Variants in DPP6 observed in about 807,000 individuals in gnomAD.
The protein encoded by DPP6 is dipeptidyl peptidase like 6.
A neutral mutation model predicts 122.6 loss-of-function variants in DPP6; 69 were observed. The ratio of observed to expected loss-of-function variants is 0.56; its 90% CI spans 0.46 to 0.69. The LOEUF (loss-of-function observed/expected upper bound fraction) is 0.69, where lower values mean the gene tolerates loss of function less well. DPP6 is among the 30% of genes least tolerant of loss of function. The pLI, the probability that DPP6 is intolerant of heterozygous loss-of-function variation, is 0.00. For synonymous variants in DPP6, 418 were observed against 433.1 expected (o/e 0.97, Z 0.43); for missense variants, 928 against 1,116.9 (o/e 0.83, Z 2.41).
At chr7:154,881,386 C>A (rs1009056324) in intron 21 of DPP6, among the ~76,000 whole-genome samples, 5 of 152,212 alleles carry the variant, frequency 3.3e-5, no homozygotes, top group African/African-American at 1.2e-4. Context: ...CAGAGCCGCT[C>A]CCATCTGGTG....
rs374409842 is a variant in DPP6, at chr7:154,022,508, G to A, written c.51+134774G>A. On this transcript the variant is annotated intron_variant, in intron 1 of 25. Transcript: ENST00000404039. ...CCGGGAAAAACATCCTAGTGATAAA[G>A]GTAGAAGAAAAGAGTTTTAGGCAAT... 1.3e-3 allele frequency among the ~76,000 whole-genome samples: 200 copies of A among 152,320 alleles called. 2 individuals carry two copies. The highest frequency in any genetic ancestry group is 5.0e-3 in the South Asian group (24 of 4,820).
chr7:154,765,977 A>G (rs1795871820), intron 8 of DPP6, among the ~76,000 whole-genome samples: 1 of 152,210 alleles, frequency 6.6e-6, no homozygotes, highest in South Asian at 2.1e-4. Flanking sequence ...ATGTTTGCAG[A>G]ATAGGGACAT....
intron 1 of DPP6, among the ~76,000 whole-genome samples, chr7:154,355,709 G>T (rs560891877): frequency 5.8e-4 from 89 of 152,144 alleles, no homozygotes; most frequent in African/African-American, 2.0e-3. Context: ...CTGTTCCCCT[G>T]GTTTGTTTAC....
chr7:153,843,604 G>A, the DPP6 span, among the ~76,000 whole-genome samples: 3 of 152,174 alleles, frequency 2.0e-5, no homozygotes, highest in Non-Finnish European at 4.4e-5. Flanking sequence ...GTAGGTTAGT[G>A]AGGGATTTAG....
intron 1 of DPP6, among the ~76,000 whole-genome samples, chr7:154,113,412 T>TATATATATATATATATACAC (rs1472172445): frequency 4.0e-4 from 57 of 141,480 alleles, no homozygotes; most frequent in African/African-American, 1.4e-3. Context: ...TATATATATA[T>TATATATATATATATATACAC]ACACACACAC....
At chr7:154,782,254 TC>T (rs1214662266) in intron 10 of DPP6, among the ~76,000 whole-genome samples, 1 of 152,236 alleles carries the variant, frequency 6.6e-6, no homozygotes, top group East Asian at 1.9e-4. Context: ...TAGCATTTCT[TC>T]CAGCTATCTT....
chr7:154,591,359 G>GGTGAGGATGAGC (rs1174933600), intron 5 of DPP6, among the ~76,000 whole-genome samples: 8 of 152,204 alleles, frequency 5.3e-5, no homozygotes, highest in African/African-American at 1.9e-4. Context: ...TGGTGAGGAT[G>GGTGAGGATGAGC]AGAGTTGTGA....
At chr7:154,639,529 G>C (rs890166570) in intron 6 of DPP6, among the ~76,000 whole-genome samples, 1 of 152,172 alleles carries the variant, frequency 6.6e-6, no homozygotes, top group Admixed American at 6.5e-5. Flanking sequence ...TGTAAAACTC[G>C]AAACTCTAAA....
rs567845634 is a variant in DPP6 at position 154,871,418 on chromosome 7, C to T, written c.1814-1206C>T. Among the ~76,000 whole-genome samples the T allele has an allele frequency of 3.5e-4, 54 of 152,310 alleles. 1 individual carries two copies. The South Asian group carries it at 0.011, about 30-fold the overall frequency. The stretch of plus-strand genomic sequence containing the variant: ...GAAATCTGAAAGATGTCAGCCCTAC[C>T]GACCTGACTTGGTTTTGTTTTTTTA... On this transcript the variant is annotated intron_variant, in intron 18 of 25. Transcript: ENST00000377770.
chr7:154,374,661 G>A (rs1031366988), intron 1 of DPP6, among the ~76,000 whole-genome samples: 1 of 128,948 alleles, frequency 7.8e-6, no homozygotes, highest in Non-Finnish European at 1.7e-5. Flanking sequence ...GCCCAGGCTG[G>A]AGTGCAATGG....
intron 1 of DPP6, among the ~76,000 whole-genome samples, chr7:154,063,886 A>G (rs1177918000): frequency 6.6e-6 from 1 of 151,548 alleles, no homozygotes; most frequent in African/African-American, 2.4e-5. Context: ...GTGAAGGAGA[A>G]TCATGTCAGG....
At chr7:154,553,490 A>C (rs2130396292) in intron 4 of DPP6, among the ~76,000 whole-genome samples, 1 of 152,336 alleles carries the variant, frequency 6.6e-6, no homozygotes, top group East Asian at 1.9e-4. Flanking sequence ...GTGACTAAAG[A>C]ATCCTAAACA....
intron 1 of DPP6, among the ~76,000 whole-genome samples, chr7:153,997,203 C>T (rs900448184): frequency 1.3e-5 from 2 of 152,050 alleles, no homozygotes; most frequent in African/African-American, 4.8e-5. Flanking sequence ...GGAAACCCCA[C>T]CATGAAATGC....
At chr7:154,426,202 T>A (rs1817898538) in intron 1 of DPP6, among the ~76,000 whole-genome samples, 1 of 152,212 alleles carries the variant, frequency 6.6e-6, no homozygotes, top group Admixed American at 6.5e-5. Flanking sequence ...GCCAGTTGAA[T>A]GTTATTCAAG....
the DPP6 span, among the ~76,000 whole-genome samples, chr7:153,778,627 C>T: frequency 6.6e-6 from 1 of 151,520 alleles, no homozygotes; most frequent in Non-Finnish European, 1.5e-5. Flanking sequence ...ATAGTTTCAC[C>T]ACCTCAAAAT....
intron 1 of DPP6, among the ~76,000 whole-genome samples, chr7:154,157,034 T>C (rs1209638071): frequency 1.3e-5 from 2 of 152,248 alleles, no homozygotes; most frequent in South Asian, 2.1e-4. Flanking sequence ...TTAAAAGATA[T>C]ACCCTCACTG....
At chr7:154,739,408 C>A (rs1284831603) in intron 8 of DPP6, among the ~76,000 whole-genome samples, 1 of 152,182 alleles carries the variant, frequency 6.6e-6, no homozygotes, top group Non-Finnish European at 1.5e-5. Context: ...CCGTCCAGGG[C>A]AGCTGAGGGG....
chr7:154,046,951 A>G (rs1463315927), intron 1 of DPP6, among the ~76,000 whole-genome samples: 1 of 151,930 alleles, frequency 6.6e-6, no homozygotes, highest in East Asian at 1.9e-4. Flanking sequence ...AGCCTGCAGG[A>G]GAGTACCAAT....
rs183997652 is a variant in DPP6, at chr7:154,867,953, T to A, written c.1715-42T>A. 8.8e-5 allele frequency: 137 copies of A among 1,551,062 alleles called. No homozygotes were observed. The African/African-American group carries it at 1.7e-3, about 19-fold the overall frequency. On this transcript the variant is annotated intron_variant, in intron 17 of 25. Coordinates refer to ENST00000377770, the MANE Select transcript of DPP6 (RefSeq NM_130797.4). The stretch of plus-strand genomic sequence containing the variant: ...ATGGCCCGCAGAGGTCCTCCATGAG[T>A]GACCACTGCATCTCAGTGTGTCCCT...
Sources: gnomAD v4.1 joint callset for allele counts (sites outside exome capture counted in the v4.1 genomes callset) on GRCh38, gnomAD v4.1.1 for gene constraint, MANE v1.5 for transcripts, NCBI Gene and HGNC (gene_info 2026-07-23, HGNC 2026-07-21) for gene names.